Variants in MYT1L observed in about 807,000 individuals in gnomAD.
The protein encoded by MYT1L is myelin transcription factor 1 like.
In MYT1L, 12 loss-of-function variants were observed where a neutral mutation model predicts 126.7. That is an observed-to-expected ratio of 0.09 (90% confidence interval 0.06 to 0.15). The LOEUF is 0.15. Ranked by LOEUF, MYT1L falls within the 10% of genes least tolerant of loss-of-function variation. The pLI is 1.00. For synonymous variants in MYT1L, 541 were observed against 604.2 expected, an observed-to-expected ratio of 0.90 and a Z score of 1.53; for missense variants, 979 against 1,585.2, an observed-to-expected ratio of 0.62 and a Z score of 6.49.
chr2:1,891,660 C>T (rs2048896130), intron 15 of MYT1L, among the ~76,000 whole-genome samples: 1 of 152,150 alleles, frequency 6.6e-6, no homozygotes, highest in Non-Finnish European at 1.5e-5. Flanking sequence ...AGCAGAACTT[C>T]CTGTCAAAGT....
intron 22 of MYT1L, among the ~76,000 whole-genome samples, chr2:1,808,123 A>C (rs986469487): frequency 2.0e-5 from 3 of 152,200 alleles, no homozygotes; most frequent in African/African-American, 7.2e-5. Context: ...TGAGTTGATT[A>C]ATCCTCTTTC....
At chr2:2,315,294 T>A (rs1177326285) in intron 1 of MYT1L, among the ~76,000 whole-genome samples, 2 of 150,934 alleles carry the variant, frequency 1.3e-5, no homozygotes, top group African/African-American at 2.4e-5. Context: ...AGTAAATAAG[T>A]GTTTGGTCTA....
chr2:1,947,382 G>A (rs2057331740), intron 8 of MYT1L, among the ~76,000 whole-genome samples: 1 of 152,210 alleles, frequency 6.6e-6, no homozygotes, highest in African/African-American at 2.4e-5. Context: ...GCACAACTGG[G>A]CTTCACTCAT....
intron 4 of MYT1L, among the ~76,000 whole-genome samples, chr2:2,043,537 C>T (rs1247039730): frequency 6.6e-6 from 1 of 152,200 alleles, no homozygotes; most frequent in Non-Finnish European, 1.5e-5. Flanking sequence ...GCCACAACTG[C>T]CTCCAGTTCC....
chr2:1,874,543 C>A (rs2046657583), intron 18 of MYT1L, among the ~76,000 whole-genome samples: 1 of 152,182 alleles, frequency 6.6e-6, no homozygotes, highest in Non-Finnish European at 1.5e-5. Flanking sequence ...GCCAGGCGTA[C>A]CTAATGGGCA....
chr2:1,900,868 G>C (rs2148942165), intron 14 of MYT1L, among the ~76,000 whole-genome samples: 1 of 152,278 alleles, frequency 6.6e-6, no homozygotes, highest in Non-Finnish European at 1.5e-5. Context: ...TGCAAAGCAT[G>C]GCTCAGCTTT....
chr2:2,218,822 G>A (rs189446727), intron 2 of MYT1L, among the ~76,000 whole-genome samples: 23 of 152,246 alleles, frequency 1.5e-4, no homozygotes, highest in South Asian at 4.1e-4. Context: ...TTTTCCTTTC[G>A]AAGACGTGAA....
intron 21 of MYT1L, among the ~76,000 whole-genome samples, chr2:1,831,197 G>A (rs1218401405): frequency 1.3e-5 from 2 of 150,258 alleles, no homozygotes; most frequent in Non-Finnish European, 3.0e-5. Context: ...ATGGAGCTCT[G>A]CTCCGAGGAC....
At chr2:2,280,212 G>A (rs1160291494) in intron 2 of MYT1L, among the ~76,000 whole-genome samples, 1 of 152,158 alleles carries the variant, frequency 6.6e-6, no homozygotes, top group African/African-American at 2.4e-5. Context: ...TACTATTCCT[G>A]CTTATATGAT....
chr2:1,943,546 C>T lies in MYT1L; in HGVS notation c.153-212G>A, dbSNP rs561446786. Among the ~76,000 whole-genome samples, 22 of 152,278 alleles carry T rather than the reference C, an allele frequency of 1.4e-4. No homozygotes were observed. The highest frequency in any genetic ancestry group is 5.3e-4 in the African/African-American group (22 of 41,566). Reference sequence around the variant, plus strand: ...AGTGATAGTGCAAATAAATACCGCTCACATTTGTCTAGTTACCATTCACAT... The same window carrying T: ...AGTGATAGTGCAAATAAATACCGCTTACATTTGTCTAGTTACCATTCACAT... On this transcript the variant is annotated intron_variant, in intron 8 of 24. Transcript: ENST00000647738. The surrounding 1 kb of genome is among the most constrained non-coding windows in gnomAD (Gnocchi z 4.4).
rs1164611238 is a variant in MYT1L, at chr2:1,852,035, C to T, written c.2712-332G>A. Among the ~76,000 whole-genome samples, 1 of 152,184 alleles carries T rather than the reference C, an allele frequency of 6.6e-6. No homozygotes were observed. Among genetic ancestry groups the T allele is most frequent in the Non-Finnish European group, 1.5e-5 (1 of 68,028 alleles). On this transcript the variant is annotated intron_variant, in intron 18 of 24. Coordinates refer to ENST00000647738, the MANE Select transcript of MYT1L (RefSeq NM_001303052.2). This position sits in a 1 kb window ranked among gnomAD's most constrained non-coding sequence, Gnocchi z 4.0. Reference sequence around the variant, plus strand: ...CCTCATTCTTAAAGCTCAGCAGAGCCAGCAACCACAGGGCTTGTTACTGCA... The same window carrying T: ...CCTCATTCTTAAAGCTCAGCAGAGCTAGCAACCACAGGGCTTGTTACTGCA...
At chr2:1,854,679 G>T (rs976533706) in intron 18 of MYT1L, among the ~76,000 whole-genome samples, 1 of 152,188 alleles carries the variant, frequency 6.6e-6, no homozygotes, top group Non-Finnish European at 1.5e-5. Flanking sequence ...CTCTTAAAAG[G>T]ATTGTTCTCA....
At chr2:1,818,090 T>G (rs1159193845) in intron 21 of MYT1L, among the ~76,000 whole-genome samples, 12 of 152,354 alleles carry the variant, frequency 7.9e-5, no homozygotes. Context: ...GCCCTGACAT[T>G]TTTTATCAGG....
intron 19 of MYT1L, among the ~76,000 whole-genome samples, chr2:1,843,311 C>T (rs1370087774): frequency 1.3e-5 from 2 of 152,328 alleles, no homozygotes; most frequent in East Asian, 1.9e-4. Flanking sequence ...TGTTCCTCTG[C>T]GGTTCCCCAA....
At chr2:2,023,093 A>G (rs796710935) in intron 4 of MYT1L, among the ~76,000 whole-genome samples, 5 of 152,352 alleles carry the variant, frequency 3.3e-5, no homozygotes, top group African/African-American at 1.2e-4. Context: ...GAAACAGAGT[A>G]GATGTGAGTC....
At chr2:2,227,965 G>A (rs2094056503) in intron 2 of MYT1L, among the ~76,000 whole-genome samples, 2 of 152,176 alleles carry the variant, frequency 1.3e-5, no homozygotes, top group African/African-American at 2.4e-5. Context: ...TATTCTGAAA[G>A]GCAGATACTA....
At chr2:1,996,145 G>C (rs1323607203) in intron 5 of MYT1L, among the ~76,000 whole-genome samples, 1 of 152,234 alleles carries the variant, frequency 6.6e-6, no homozygotes, top group South Asian at 2.1e-4. Context: ...GGACAATGTG[G>C]TCTGGAAGAG....
intron 3 of MYT1L, among the ~76,000 whole-genome samples, chr2:2,153,749 T>C (rs2086227135): frequency 6.6e-6 from 1 of 152,026 alleles, no homozygotes; most frequent in African/African-American, 2.4e-5. Context: ...CCGGCCTGAA[T>C]AGAGGAAAGG....
chr2:2,166,116 T>C (rs2089068380), intron 3 of MYT1L, among the ~76,000 whole-genome samples: 1 of 152,174 alleles, frequency 6.6e-6, no homozygotes, highest in South Asian at 2.1e-4. Flanking sequence ...TTCTCCCTCT[T>C]CTTATATTTA....
Sources: gnomAD v4.1 joint callset for allele counts (sites outside exome capture counted in the v4.1 genomes callset) on GRCh38, gnomAD v4.1.1 for gene constraint, Gnocchi (gnomAD v3.1) non-coding constraint, MANE v1.5 for transcripts, NCBI Gene and HGNC (gene_info 2026-07-23, HGNC 2026-07-21) for gene names.